SLC38A2: variants seen among roughly 807,000 people sequenced by gnomAD.
SLC38A2 encodes sodium-coupled neutral amino acid symporter 2.
A neutral mutation model predicts 61.5 loss-of-function variants in SLC38A2; 11 were observed. The ratio of observed to expected loss-of-function variants is 0.18; its 90% confidence interval spans 0.11 to 0.30. The LOEUF (loss-of-function observed/expected upper bound fraction) is 0.30. Ranked by LOEUF, SLC38A2 falls within the 10% of genes least tolerant of loss-of-function variation. SLC38A2 has a pLI of 1.00. For synonymous variants in SLC38A2, 217 were observed against 212.5 expected (o/e 1.02, Z -0.18); for missense variants, 522 against 600.4 (o/e 0.87, Z 1.36).
Position 46,365,139 on chromosome 12 carries a change from A to G in SLC38A2, c.614T>C (p.Val205Ala). 6.2e-7 allele frequency: 1 copy of G among 1,613,460 alleles called. No homozygotes were observed. Among genetic ancestry groups the G allele is most frequent in the Non-Finnish European group, 8.5e-7 (1 of 1,179,626 alleles). Residue 205 changes from valine (V) to alanine (A), a missense_variant, in exon 8 of 16, where the codon GTC becomes GCC. Physicochemically the swap from Val to Ala is moderately conservative, Grantham distance 64 (BLOSUM62 0). Around this residue, in one of 3 missense-constraint regions of SLC38A2, gnomAD observed 111 missense variants for 173.4 expected, o/e 0.64. Coordinates refer to ENST00000256689, the MANE Select transcript of SLC38A2 (RefSeq NM_018976.5). The part of the protein sequence containing the change: ...NYLVLLVSLV[V>A]ILPLSLFRNL... Reference sequence around the variant, plus strand: ...TCTAAACAGCGACAAAGGAAGAATGACCACCAATGACACCAACAGAACCAA... The same window carrying G: ...TCTAAACAGCGACAAAGGAAGAATGGCCACCAATGACACCAACAGAACCAA...
At chr12:46,367,954 A>C (rs534316021) in intron 4 of SLC38A2, among the ~76,000 whole-genome samples, 1 of 152,178 alleles carries the variant, frequency 6.6e-6, no homozygotes, top group South Asian at 2.1e-4. Context: ...ACAACATAAC[A>C]TAGGGAAGCC....
chr12:46,372,484 A>C (rs1592209662), intron 1 of SLC38A2, 25 bp downstream of exon 1: 5 of 336,958 alleles, frequency 1.5e-5, no homozygotes, highest in African/African-American at 4.5e-5. Flanking sequence ...CGCCCTTCCC[A>C]CAGACGCCCC....
chr12:46,370,685 G>A, intron 3 of SLC38A2, 58 bp from the exon 4 acceptor site: 2 of 1,556,778 alleles, frequency 1.3e-6, no homozygotes, highest in Non-Finnish European at 1.8e-6. Flanking sequence ...GAGAAAACCA[G>A]CTTTGGGCAA....
chr12:46,366,028 C>T (rs1943135753), intron 7 of SLC38A2, among the ~76,000 whole-genome samples: 1 of 152,144 alleles, frequency 6.6e-6, no homozygotes, highest in South Asian at 2.1e-4. Flanking sequence ...GATAACAGCA[C>T]TTCTCTATTT....
Position 46,364,666 on chromosome 12 carries a change from CACA to C in SLC38A2, c.680_682del (p.Leu227del). 6.2e-7 allele frequency: 1 copy of C among 1,610,342 alleles called. No individual in the cohort carries two copies. The highest frequency in any genetic ancestry group is 8.5e-7 in the Non-Finnish European group (1 of 1,178,490). ...CACCACAATCAGAAAGAACACCATA[CACA>C]ACAAGGAAAGGCCACTGGTATATCC... On this transcript the variant is annotated inframe_deletion, in exon 9 of 16. Coordinates refer to ENST00000256689, the MANE Select transcript of SLC38A2 (RefSeq NM_018976.5).
rs1943077243 is a variant in SLC38A2 at position 46,361,180 on chromosome 12, C to T, written c.1452G>A (p.Leu484=). The change falls in exon 16 of 16, where the codon CTG becomes CTA. Residue 484 remains leucine (L), a synonymous_variant. Coordinates refer to ENST00000256689, the MANE Select transcript of SLC38A2 (RefSeq NM_018976.5). ...GALFFLLSGV[L]VMTGSMALIV... ...TCAAGGCCATGCTTCCGGTCATCAC[C>T]AGTACACCACTTAACAGGAAGAACA... is the stretch of plus-strand genomic sequence containing the variant. The T allele has an allele frequency of 6.2e-7, 1 of 1,613,490 alleles. No individual in the cohort carries two copies. Among genetic ancestry groups the T allele is most frequent in the Non-Finnish European group, 8.5e-7 (1 of 1,179,688 alleles).
chr12:46,366,415 T>C (rs918894430), intron 7 of SLC38A2, among the ~76,000 whole-genome samples: 2 of 152,154 alleles, frequency 1.3e-5, no homozygotes, highest in African/African-American at 4.8e-5. Context: ...ACTTGTAGTG[T>C]CATGTTGGCA....
chr12:46,371,015 A>T, intron 2 of SLC38A2, 158 bp from the exon 3 acceptor site: 1 of 822,736 alleles, frequency 1.2e-6, no homozygotes, highest in Non-Finnish European at 2.0e-6. Flanking sequence ...CTTTCACACC[A>T]GCTATCTTGT....
chr12:46,371,333 G>A lies in SLC38A2; in HGVS notation c.-40C>T, dbSNP rs767671912. 8.5e-5 allele frequency: 132 copies of A among 1,548,262 alleles called. 1 individual carries two copies. In the South Asian group the frequency reaches 1.3e-3, roughly 16 times the overall value. ...GGAATCGGGTGCAGCTAGTAGCGCTGGGCTCCTTTTGTCCTTGGCGGTGGG... is the reference window on the plus strand; with the variant it reads ...GGAATCGGGTGCAGCTAGTAGCGCTAGGCTCCTTTTGTCCTTGGCGGTGGG... On this transcript the variant is annotated 5_prime_UTR_variant, in exon 2 of 16. Transcript: ENST00000256689.
At position 46,360,681 on chromosome 12, in the gene SLC38A2, T is replaced by C. The variant is rs895281636; in HGVS notation, c.*430A>G. ...TAAGTATTTTTGGTACAAAAAATAA[T>C]AGTGTTTTTGTCAATGGTTATTCAA... On this transcript the variant is annotated 3_prime_UTR_variant, in exon 16 of 16. Transcript: ENST00000256689. 2.6e-5 allele frequency: 4 copies of C among 155,918 alleles called. No individual in the cohort carries two copies. Among genetic ancestry groups the C allele is most frequent in the African/African-American group, 7.2e-5 (3 of 41,604 alleles). The allele number at this position is 155,918 out of a possible 1,614,324, so 9.7% of individuals were successfully genotyped here. A position where few individuals can be genotyped will look rare whatever the true frequency, so the allele number is the denominator to read the frequency against.
chr12:46,366,257 G>C (rs1943137697), intron 7 of SLC38A2, among the ~76,000 whole-genome samples: 1 of 152,148 alleles, frequency 6.6e-6, no homozygotes, highest in Non-Finnish European at 1.5e-5. Flanking sequence ...ATACATATTT[G>C]AAGTATCTTG....
chr12:46,361,468 A>AT, intron 15 of SLC38A2, among the ~76,000 whole-genome samples: 1 of 152,272 alleles, frequency 6.6e-6, no homozygotes, highest in South Asian at 2.1e-4. Context: ...TTCTTGCTAA[A>AT]CAAACTGCTT....
At chr12:46,364,240 C>T (rs1476635771) in intron 10 of SLC38A2, 149 bp downstream of exon 10, 2 of 930,286 alleles carry the variant, frequency 2.1e-6, no homozygotes, top group African/African-American at 1.7e-5. Context: ...AGATGTAAAC[C>T]AAAACTTTCT....
In SLC38A2 at chr12:46,360,764, A is replaced by G; in HGVS notation, c.*347T>C. The G allele has an allele frequency of 4.6e-6, 1 of 219,530 alleles. No individual in the cohort carries two copies. Among genetic ancestry groups the G allele is most frequent in the Admixed American group, 5.7e-5 (1 of 17,632 alleles). The allele number at this position is 219,530 out of a possible 1,614,324, so 13.6% of individuals were successfully genotyped here. On this transcript the variant is annotated 3_prime_UTR_variant, in exon 16 of 16. Transcript: ENST00000256689. ...CACATCAAATGGTTCCATTAGGCACATTCAAGTAAAATCATAAAATATCCA... is the reference window on the plus strand; with the variant it reads ...CACATCAAATGGTTCCATTAGGCACGTTCAAGTAAAATCATAAAATATCCA...
chr12:46,366,994 G>C (rs766468163), intron 6 of SLC38A2, 49 bp from the exon 7 acceptor site: 1 of 1,606,216 alleles, frequency 6.2e-7, no homozygotes, highest in South Asian at 1.1e-5. Flanking sequence ...CGCGGCACGT[G>C]ACACTAAAAC....
rs759418542 is a variant in SLC38A2 at position 46,364,537 on chromosome 12, T to C, written c.725A>G (p.Gln242Arg). 1 of 1,604,858 alleles carries C rather than the reference T, an allele frequency of 6.2e-7. No homozygotes were observed. Among genetic ancestry groups the C allele is most frequent in the Non-Finnish European group, 8.5e-7 (1 of 1,177,190 alleles). The stretch of plus-strand genomic sequence containing the variant: ...AGCAGCTTCCACAGGACACGGAACC[T>C]GAAATTTCTTGCAAATGACCTAAAA... ...FLIVVICKKF[Q>R]VPCPVEAALI... Residue 242 changes from glutamine to arginine, a missense_variant, in exon 10 of 16, where the codon CAG becomes CGG. Gln to Arg is a conservative substitution (Grantham distance 43). Coordinates refer to ENST00000256689, the MANE Select transcript of SLC38A2 (RefSeq NM_018976.5).
At position 46,366,946 on chromosome 12, in the gene SLC38A2, C is replaced by G. The variant is rs776346232; in HGVS notation, c.482-1G>C. On this transcript the variant is annotated splice_acceptor_variant, in intron 6 of 15. Transcript: ENST00000256689. LOFTEE classifies it high-confidence loss of function. ...ACTATGAAGAGGTAGCTTGACATAG[C>G]TGGAGGAAAACAAAATTATACCATT... The G allele has an allele frequency of 6.2e-7, 1 of 1,613,322 alleles. No individual in the cohort carries two copies. The highest frequency in any genetic ancestry group is 8.5e-7 in the Non-Finnish European group (1 of 1,179,746).
At position 46,358,243 on chromosome 12, in the gene SLC38A2, A is replaced by G. The variant is rs1303819013; in HGVS notation, c.*2868T>C. 3 of 152,692 alleles carry G rather than the reference A, an allele frequency of 2.0e-5. No individual in the cohort carries two copies. Among genetic ancestry groups the G allele is most frequent in the African/African-American group, 7.2e-5 (3 of 41,474 alleles). 9.5% of individuals were successfully genotyped at this position (152,692 alleles called of 1,614,324 possible). A position where few individuals can be genotyped will look rare whatever the true frequency, so the allele number is the denominator to read the frequency against. On this transcript the variant is annotated 3_prime_UTR_variant, in exon 16 of 16. Transcript: ENST00000256689. ...AGTTAAAACAAACATACATTGTTTC[A>G]TTGAAACGGTGTAGCACTCTTTGCC... is the stretch of plus-strand genomic sequence containing the variant.
Position 46,367,147 on chromosome 12 carries a change from A to G in SLC38A2, c.410T>C (p.Leu137Ser). 6.2e-7 allele frequency: 1 copy of G among 1,613,910 alleles called. No homozygotes were observed. Among genetic ancestry groups the G allele is most frequent in the South Asian group, 1.1e-5 (1 of 91,076 alleles). ...AACTAATCCAAATGCCTTATATCCC[A>G]ATTGTTCATATAATAAAGACCCTAC... ...NEGGSLLYEQ[L>S]GYKAFGLVGK... The change falls in exon 6 of 16, where the codon TTG becomes TCG. Residue 137 changes from leucine to serine, a missense_variant. By Grantham distance (145) the Leu-to-Ser change is moderately radical. This residue lies in a region of SLC38A2 where 111 missense variants were observed against 173.4 expected (regional missense o/e 0.64). Transcript: ENST00000256689.
Sources: gnomAD v4.1 joint callset for allele counts (sites outside exome capture counted in the v4.1 genomes callset) on GRCh38, gnomAD v4.1.1 for gene constraint, gnomAD v4.1.1 regional missense constraint, MANE v1.5 for transcripts, NCBI Gene and HGNC (gene_info 2026-07-23, HGNC 2026-07-21) for gene names.